Variants in SH3GLB1 observed in about 807,000 individuals in gnomAD.
SH3GLB1 encodes SH3 domain containing GRB2 like, endophilin B1.
SH3GLB1 carries 17 observed loss-of-function variants against 42.0 expected under a neutral mutation model. The observed-to-expected ratio is 0.40, with a 90% confidence interval of 0.28 to 0.61. SH3GLB1 has a LOEUF of 0.61. Ranked by LOEUF, SH3GLB1 falls within the 20% of genes least tolerant of loss-of-function variation. SH3GLB1 has a pLI of 0.36. For synonymous variants in SH3GLB1, 132 were observed against 146.6 expected (o/e 0.90, Z 0.72); for missense variants, 355 against 426.3 (o/e 0.83, Z 1.47).
At chr1:86,736,197 TAA>T (rs1655769105) in intron 7 of SH3GLB1, among the ~76,000 whole-genome samples, 1 of 152,070 alleles carries the variant, frequency 6.6e-6, no homozygotes, top group Non-Finnish European at 1.5e-5. Context: ...GCTTTTAAAG[TAA>T]GTTGTTGTAA....
Position 86,715,785 on chromosome 1 carries a change from T to G in SH3GLB1, c.134T>G (p.Leu45Arg). ...GAATTGGATGCTCACTTAGAGAACC[T>G]CCTTAGCAAAGCTGAATGTACCAAA... ...KTELDAHLEN[L>R]LSKAECTKIW... Residue 45 changes from leucine to arginine, a missense_variant, in exon 2 of 9, where the codon CTC becomes CGC. Leu to Arg is a moderately radical substitution (Grantham distance 102). Coordinates refer to ENST00000370558, the MANE Select transcript of SH3GLB1 (RefSeq NM_016009.5). The G allele has an allele frequency of 6.2e-7, 1 of 1,612,834 alleles. No individual in the cohort carries two copies. Among genetic ancestry groups the G allele is most frequent in the Non-Finnish European group, 8.5e-7 (1 of 1,179,686 alleles).
At chr1:86,709,205 G>A (rs1042324689) in intron 1 of SH3GLB1, among the ~76,000 whole-genome samples, 2 of 152,156 alleles carry the variant, frequency 1.3e-5, no homozygotes, top group Non-Finnish European at 2.9e-5. Context: ...TCTTTAATAA[G>A]TTTGTATGTG....
At chr1:86,715,899 C>T (rs752397769) in intron 2 of SH3GLB1, 34 bp downstream of exon 2, 4 of 1,571,392 alleles carry the variant, frequency 2.5e-6, no homozygotes, top group Non-Finnish European at 3.4e-6. Context: ...ACCTTAAGTA[C>T]TATTAGTGGG....
Position 86,744,134 on chromosome 1 carries a change from G to A in SH3GLB1, c.*899G>A, listed in dbSNP as rs139775213. 1 of 152,266 alleles carries A rather than the reference G, an allele frequency of 6.6e-6. No individual in the cohort carries two copies. The highest frequency in any genetic ancestry group is 1.9e-4 in the East Asian group (1 of 5,184). 9.4% of individuals were successfully genotyped at this position (152,266 alleles called of 1,614,324 possible). Reference sequence around the variant, plus strand: ...CGAACAAAATAAATTGGGTCACTCTGAGCTTACTATTAAAACATTGAAAAT... The same window carrying A: ...CGAACAAAATAAATTGGGTCACTCTAAGCTTACTATTAAAACATTGAAAAT... On this transcript the variant is annotated 3_prime_UTR_variant, in exon 9 of 9. Transcript: ENST00000370558.
At chr1:86,712,040 A>G (rs1654243569) in intron 1 of SH3GLB1, among the ~76,000 whole-genome samples, 1 of 152,162 alleles carries the variant, frequency 6.6e-6, no homozygotes, top group Non-Finnish European at 1.5e-5. Context: ...CTGATTAATT[A>G]TGGAAAAATC....
At chr1:86,738,846 GTT>G (rs1655912948) in intron 7 of SH3GLB1, among the ~76,000 whole-genome samples, 4 of 152,078 alleles carry the variant, frequency 2.6e-5, no homozygotes, top group Non-Finnish European at 5.9e-5. Flanking sequence ...GTTTCACCAT[GTT>G]AGCCAGGCTG....
At chr1:86,732,164 A>G (rs1655545570) in intron 5 of SH3GLB1, among the ~76,000 whole-genome samples, 1 of 152,228 alleles carries the variant, frequency 6.6e-6, no homozygotes, top group Non-Finnish European at 1.5e-5. Context: ...ACTGATCAAG[A>G]TAGTCACAGC....
At chr1:86,707,196 A>G (rs1403969429) in intron 1 of SH3GLB1, among the ~76,000 whole-genome samples, 1 of 152,242 alleles carries the variant, frequency 6.6e-6, no homozygotes, top group Non-Finnish European at 1.5e-5. Flanking sequence ...ATTTTCTAAC[A>G]TTAGTATCGT....
At chr1:86,717,667 C>T (rs1427461962) in intron 2 of SH3GLB1, among the ~76,000 whole-genome samples, 1 of 152,108 alleles carries the variant, frequency 6.6e-6, no homozygotes, top group African/African-American at 2.4e-5. Context: ...GGTAATCTGC[C>T]CGCCTCAGCC....
intron 3 of SH3GLB1, 141 bp downstream of exon 3, chr1:86,719,776 A>T: frequency 1.5e-6 from 1 of 675,324 alleles, no homozygotes; most frequent in Non-Finnish European, 2.3e-6. Context: ...TGGGCGGATC[A>T]TGAGGTCAGG....
chr1:86,724,263 A>G, intron 4 of SH3GLB1, 50 bp from the exon 5 acceptor site: 1 of 1,312,504 alleles, frequency 7.6e-7, no homozygotes, highest in South Asian at 1.4e-5. Context: ...TATGCTCTTA[A>G]CAGAATTTTA....
In SH3GLB1 at chr1:86,704,821, G is replaced by A. The variant is rs948802479; in HGVS notation, c.-79G>A. 2 of 932,558 alleles carry A rather than the reference G, an allele frequency of 2.1e-6. No homozygotes were observed. The highest frequency in any genetic ancestry group is 3.2e-6 in the Non-Finnish European group (2 of 623,616). The allele number at this position is 932,558 out of a possible 1,614,324, so 57.8% of individuals were successfully genotyped here. On this transcript the variant is annotated 5_prime_UTR_variant, in exon 1 of 9. Transcript: ENST00000370558. ...TACCACGTCTGCCCTCGCCGCTCTA[G>A]CCCTGCGCCCCAGCCCGGCCGCGGC...
chr1:86,723,634 G>C (rs940386202), intron 4 of SH3GLB1, among the ~76,000 whole-genome samples: 11 of 152,132 alleles, frequency 7.2e-5, no homozygotes, highest in African/African-American at 2.4e-4. Flanking sequence ...CTATACAGAA[G>C]CTTGAAATTC....
At chr1:86,707,996 A>G (rs1028522132) in intron 1 of SH3GLB1, among the ~76,000 whole-genome samples, 4 of 152,310 alleles carry the variant, frequency 2.6e-5, no homozygotes, top group African/African-American at 2.4e-5. Context: ...CGCTGAAACA[A>G]CAGCAACGGA....
chr1:86,719,651 A>G lies in SH3GLB1; in HGVS notation c.343+16A>G, dbSNP rs777877646. 6.9e-6 allele frequency: 11 copies of G among 1,601,368 alleles called. No homozygotes were observed. The African/African-American group carries it at 1.4e-4, about 20-fold the overall frequency. ...ACAGCTTATGGTAAGTGAAATGCAA[A>G]AAGTTCTAATAAGGGATATCTTTAT... On this transcript the variant is annotated intron_variant, in intron 3 of 8. Transcript: ENST00000370558.
At position 86,704,759 on chromosome 1, in the gene SH3GLB1, A is replaced by AGCTGCG; in HGVS notation, c.-133_-128dup. 1 of 504,298 alleles carries AGCTGCG rather than the reference A, an allele frequency of 2.0e-6. No homozygotes were observed. The highest frequency in any genetic ancestry group is 3.5e-6 in the Non-Finnish European group (1 of 288,622). 31.2% of individuals were successfully genotyped at this position (504,298 alleles called of 1,614,324 possible). A position where few individuals can be genotyped will look rare whatever the true frequency, so the allele number is the denominator to read the frequency against. ...CATCCTCCCCGTTCACGGAAACGAC[A>AGCTGCG]GCTGCGGCTGCGGGGCTGGCGCCGC... On this transcript the variant is annotated 5_prime_UTR_variant, in exon 1 of 9. Transcript: ENST00000370558.
intron 3 of SH3GLB1, among the ~76,000 whole-genome samples, chr1:86,721,103 C>G (rs1347896954): frequency 1.3e-5 from 2 of 152,118 alleles, no homozygotes; most frequent in African/African-American, 4.8e-5. Context: ...GTAAAGGCTT[C>G]TAGATTTTCT....
intron 5 of SH3GLB1, among the ~76,000 whole-genome samples, chr1:86,731,110 G>A (rs180800738): frequency 6.6e-6 from 1 of 152,284 alleles, no homozygotes; most frequent in East Asian, 1.9e-4. Context: ...TCTTCTGTGG[G>A]CTGGGAAAGC....
intron 5 of SH3GLB1, among the ~76,000 whole-genome samples, chr1:86,730,827 A>G (rs1655471086): frequency 6.6e-6 from 1 of 152,162 alleles, no homozygotes; most frequent in Non-Finnish European, 1.5e-5. Context: ...AGGTAACTGA[A>G]GCTTGTTCTC....
Sources: gnomAD v4.1 joint callset for allele counts (sites outside exome capture counted in the v4.1 genomes callset) on GRCh38, gnomAD v4.1.1 for gene constraint, MANE v1.5 for transcripts, NCBI Gene and HGNC (gene_info 2026-07-23, HGNC 2026-07-21) for gene names.